The following MCMBP variants were observed in gnomAD, a reference collection of about 807,000 sequenced individuals.
The protein encoded by MCMBP is mini-chromosome maintenance complex-binding protein.
In MCMBP, 31 loss-of-function variants were observed where a neutral mutation model predicts 81.3. That is an observed-to-expected ratio of 0.38 (90% CI 0.29 to 0.51). MCMBP has a LOEUF of 0.51. Ranked by LOEUF, MCMBP falls within the 20% of genes least tolerant of loss-of-function variation. The pLI is 0.87. For synonymous variants in MCMBP, 267 were observed against 275.9 expected, an observed-to-expected ratio of 0.97 and a Z score of 0.32; for missense variants, 645 against 772.1, an observed-to-expected ratio of 0.84 and a Z score of 1.95.
At chr10:119,837,219 T>C (rs1460506051) in intron 12 of MCMBP, among the ~76,000 whole-genome samples, 190 bp from the exon 13 acceptor site, 1 of 152,104 alleles carries the variant, frequency 6.6e-6, no homozygotes, top group Non-Finnish European at 1.5e-5. Flanking sequence ...GGTAGAACTT[T>C]CTGGGGGCAG....
intron 14 of MCMBP, among the ~76,000 whole-genome samples, chr10:119,833,411 G>C (rs563822771): frequency 6.6e-6 from 1 of 151,780 alleles, no homozygotes. Flanking sequence ...GGGAGGCCAA[G>C]GTGGGAGGAC....
intron 5 of MCMBP, among the ~76,000 whole-genome samples, chr10:119,856,542 G>A (rs768325003): frequency 3.9e-5 from 6 of 152,174 alleles, no homozygotes; most frequent in Non-Finnish European, 8.8e-5. Context: ...CAGGGGAGGA[G>A]GTAGTGACTA....
At chr10:119,848,888 CAT>C (rs2134367358) in intron 7 of MCMBP, among the ~76,000 whole-genome samples, 1 of 152,306 alleles carries the variant, frequency 6.6e-6, no homozygotes, top group Admixed American at 6.5e-5. Context: ...AGGGAACAGA[CAT>C]AATTTAAAAG....
At position 119,829,999 on chromosome 10, in the gene MCMBP, A is replaced by AAAG. The variant is rs375642536; in HGVS notation, c.*1472_*1474dup. 395 of 152,752 alleles carry AAAG rather than the reference A, an allele frequency of 2.6e-3. 1 individual carries two copies. Among genetic ancestry groups the AAAG allele is most frequent in the African/African-American group, 8.6e-3 (357 of 41,566 alleles). The allele number at this position is 152,752 out of a possible 1,614,324, so 9.5% of individuals were successfully genotyped here. A position where few individuals can be genotyped will look rare whatever the true frequency, so the allele number is the denominator to read the frequency against. ...CAGTGAAGCCTTCATTTTATTTCTA[A>AAAG]AAGTTTAAGGAAGGTCTAGTCTACC... On this transcript the variant is annotated 3_prime_UTR_variant, in exon 16 of 16. Transcript: ENST00000369077.
rs1331676869 is a variant in MCMBP, at chr10:119,836,942, C to T, written c.1496G>A (p.Cys499Tyr). ...DFSYHQMEFP[C>Y]NINVFITSEG... is the part of the protein sequence containing the mutation. ...CGAAGTAATGAAAACGTTAATATTG[C>T]AGGGGAATTCCATCTGATGGTAGCT... Residue 499 changes from cysteine to tyrosine, a missense_variant, in exon 13 of 16, where the codon TGC (cysteine) becomes TAC (tyrosine). Coordinates refer to ENST00000369077, the MANE Select transcript of MCMBP (RefSeq NM_001256378.2). 6.2e-7 allele frequency: 1 copy of T among 1,613,678 alleles called. No individual in the cohort carries two copies. The highest frequency in any genetic ancestry group is 2.2e-5 in the East Asian group (1 of 44,874).
chr10:119,835,306 T>C (rs1368045577), intron 14 of MCMBP, among the ~76,000 whole-genome samples: 1 of 152,038 alleles, frequency 6.6e-6, no homozygotes, highest in Non-Finnish European at 1.5e-5. Flanking sequence ...GTTAAGTTTA[T>C]CCCCCAAAGA....
In MCMBP at chr10:119,835,429, C is replaced by T. The variant is rs57999282; in HGVS notation, c.1707+111G>A. ...GGAGTAACAGAGGAATAAAAAAAGA[C>T]ATGACAGAAAACAAATAACAAAATT... On this transcript the variant is annotated intron_variant, in intron 14 of 15. Coordinates refer to ENST00000369077, the MANE Select transcript of MCMBP (RefSeq NM_001256378.2). The T allele has an allele frequency of 1.8e-4, 174 of 977,558 alleles. 1 individual carries two copies. The African/African-American group carries it at 2.7e-3, about 15-fold the overall frequency. The allele number at this position is 977,558 out of a possible 1,614,324, so 60.6% of individuals were successfully genotyped here.
chr10:119,849,519 G>C lies in MCMBP; in HGVS notation c.632C>G (p.Ser211Cys). The change falls in exon 7 of 16, where the codon TCT becomes TGT. Residue 211 changes from serine (S) to cysteine (C), a missense_variant. Physicochemically the swap from Ser to Cys is moderately radical, Grantham distance 112. Transcript: ENST00000369077. ...GEPKRLETEA[S>C]TGQQLNSLNL... is the part of the protein sequence containing the mutation. ...CAGAGAGTTCAGCTGTTGCCCAGTAGAAGCTTCAGTTTCTAAACGTTTTGG... is the reference window on the plus strand; with the variant it reads ...CAGAGAGTTCAGCTGTTGCCCAGTACAAGCTTCAGTTTCTAAACGTTTTGG... The C allele has an allele frequency of 6.2e-7, 1 of 1,608,398 alleles. No individual in the cohort carries two copies. Among genetic ancestry groups the C allele is most frequent in the Non-Finnish European group, 8.5e-7 (1 of 1,178,448 alleles).
chr10:119,842,522 C>G lies in MCMBP; in HGVS notation c.1074G>C (p.Leu358=), dbSNP rs770074173. The stretch of plus-strand genomic sequence containing the variant: ...GGTATTCAGCAGCCAAACTATCCCC[C>G]AGAAGGGCATGAGTAAGGAACCCAA... The part of the protein sequence containing the change: ...ELLGFLTHAL[L]GDSLAAEYLI... The change falls in exon 10 of 16, where the codon CTG becomes CTC. Residue 358 remains leucine (L), a synonymous_variant. Transcript: ENST00000369077. The G allele has an allele frequency of 2.5e-6, 4 of 1,613,760 alleles. No homozygotes were observed. Among genetic ancestry groups the G allele is most frequent in the Admixed American group, 1.7e-5 (1 of 60,002 alleles).
chr10:119,836,160 A>C (rs921309665), intron 13 of MCMBP, among the ~76,000 whole-genome samples: 27 of 152,240 alleles, frequency 1.8e-4, no homozygotes, highest in African/African-American at 6.5e-4. Flanking sequence ...ATTAATTTAC[A>C]TGCTTTATAA....
intron 4 of MCMBP, among the ~76,000 whole-genome samples, chr10:119,858,568 C>A (rs971790988): frequency 4.6e-5 from 7 of 152,064 alleles, no homozygotes; most frequent in Admixed American, 1.3e-4. Context: ...AGTGAGATTA[C>A]CATTGGCTTT....
chr10:119,872,499 C>A, intron 1 of MCMBP, 28 bp downstream of exon 1: 1 of 1,171,370 alleles, frequency 8.5e-7, no homozygotes, highest in South Asian at 4.0e-5. Context: ...GCTGCCCGCC[C>A]GGCCCGCCCC....
upstream of MCMBP, chr10:119,872,870 G>A: frequency 6.4e-6 from 1 of 155,282 alleles, no homozygotes; most frequent in Non-Finnish European, 1.4e-5. Flanking sequence ...CGCCGACCGC[G>A]CTGCCTGCGA....
intron 5 of MCMBP, among the ~76,000 whole-genome samples, chr10:119,856,109 C>CT (rs1486638522): frequency 6.6e-6 from 1 of 151,734 alleles, no homozygotes; most frequent in African/African-American, 2.4e-5. Flanking sequence ...GTAGTCCCAG[C>CT]TACTCGGGAG....
chr10:119,843,230 C>T (rs1180580241), intron 9 of MCMBP, 24 bp downstream of exon 9: 1 of 1,612,694 alleles, frequency 6.2e-7, no homozygotes, highest in East Asian at 2.2e-5. Context: ...CGATAGTTGA[C>T]TAGGCTGTAA....
intron 8 of MCMBP, among the ~76,000 whole-genome samples, chr10:119,844,249 A>G (rs1852541862): frequency 6.6e-6 from 1 of 152,224 alleles, no homozygotes. Flanking sequence ...TGAATTTTTC[A>G]GACTTGCTAA....
Position 119,872,639 on chromosome 10 carries a change from CGCGGCCGG to C in MCMBP, c.-63_-56del, listed in dbSNP as rs1337848915. The C allele has an allele frequency of 1.9e-5, 20 of 1,034,956 alleles. No individual in the cohort carries two copies. Among genetic ancestry groups the C allele is most frequent in the Middle Eastern group, 4.0e-4 (1 of 2,484 alleles). The allele number at this position is 1,034,956 out of a possible 1,614,324, so 64.1% of individuals were successfully genotyped here. A position where few individuals can be genotyped will look rare whatever the true frequency, so the allele number is the denominator to read the frequency against. On this transcript the variant is annotated 5_prime_UTR_variant, in exon 1 of 16. Transcript: ENST00000369077. ...GGGCGGAGGCGATCCGCGGGCCGAG[CGCGGCCGG>C]GCGGCCGGCGCCCAGCTCCTCTTCA...
intron 1 of MCMBP, 46 bp downstream of exon 1, chr10:119,872,481 C>G: frequency 8.8e-7 from 1 of 1,139,886 alleles, no homozygotes; most frequent in African/African-American, 1.6e-5. Context: ...CGGGGCCCGG[C>G]AAACTCGGCT....
At chr10:119,861,556 TC>T (rs1432932225) in intron 1 of MCMBP, among the ~76,000 whole-genome samples, 1 of 152,028 alleles carries the variant, frequency 6.6e-6, no homozygotes, top group Non-Finnish European at 1.5e-5. Context: ...GTGGGTATTT[TC>T]GCTTGTATTC....
Sources: gnomAD v4.1 joint callset for allele counts (sites outside exome capture counted in the v4.1 genomes callset) on GRCh38, gnomAD v4.1.1 for gene constraint, MANE v1.5 for transcripts, NCBI Gene and HGNC (gene_info 2026-07-23, HGNC 2026-07-21) for gene names.